Variants in AIM2 observed in about 807,000 individuals in gnomAD.
The protein encoded by AIM2 is absent in melanoma 2, also known as interferon-inducible protein AIM2.
In AIM2, 30 loss-of-function variants were observed where a neutral mutation model predicts 27.7. The observed-to-expected ratio is 1.08, with a 90% confidence interval of 0.81 to 1.47. The LOEUF (loss-of-function observed/expected upper bound fraction) is 1.47, where lower values mean the gene tolerates loss of function less well. Ranked by LOEUF, AIM2 falls within the 40% of genes most tolerant of loss-of-function variation. The probability of loss-of-function intolerance (pLI) is 0.00; values close to 1 mark genes in which losing one functional copy is unlikely to be tolerated. For missense variants in AIM2, 358 were observed against 411.3 expected (o/e 0.87, Z 1.12); for synonymous variants, 141 against 145.3 (o/e 0.97, Z 0.21).
intron 1 of AIM2, among the ~76,000 whole-genome samples, chr1:159,083,924 C>G (rs1227878012): frequency 1.3e-5 from 2 of 152,176 alleles, no homozygotes; most frequent in Non-Finnish European, 2.9e-5. Flanking sequence ...CTATATATAA[C>G]CAATTATTGA....
intron 3 of AIM2, 133 bp downstream of exon 3, chr1:159,068,435 A>G (rs1656205500): frequency 1.6e-6 from 2 of 1,230,792 alleles, no homozygotes; most frequent in South Asian, 3.5e-5. Context: ...TGTGACTCAG[A>G]ATGCTTTTCA....
At chr1:159,123,188 A>G (rs1477125311) in intron 1 of AIM2, among the ~76,000 whole-genome samples, 1 of 152,164 alleles carries the variant, frequency 6.6e-6, no homozygotes, top group Non-Finnish European at 1.5e-5. Context: ...AAGCCCTTTA[A>G]TATTTACATA....
Position 159,104,540 on chromosome 1 carries a change from T to A in AIM2, c.-16+35891A>T, listed in dbSNP as rs1430764721. Among the ~76,000 whole-genome samples the A allele has an allele frequency of 2.6e-5, 4 of 152,344 alleles. No individual in the cohort carries two copies. The Middle Eastern group carries it at 0.014, about 518-fold the overall frequency. ...TTAAAATTTATCATTCAAATTGAGA[T>A]GTGCTGTAAGATTAAAATACACATC... On this transcript the variant is annotated intron_variant, in intron 1 of 2. Coordinates refer to the AIM2 transcript ENST00000368129.
At chr1:159,142,106 C>T (rs1205682098), upstream of AIM2, among the ~76,000 whole-genome samples, 2 of 152,190 alleles carry the variant, frequency 1.3e-5, no homozygotes, top group Non-Finnish European at 2.9e-5. Flanking sequence ...CAGCTATTCT[C>T]AGACAGGGGC....
At chr1:159,064,575 C>T (rs1270692427) in intron 4 of AIM2, among the ~76,000 whole-genome samples, 1 of 152,260 alleles carries the variant, frequency 6.6e-6, no homozygotes, top group Non-Finnish European at 1.5e-5. Flanking sequence ...AAGCGATTCT[C>T]TTGCCTCAGC....
chr1:159,091,964 C>T (rs1657056570), intron 1 of AIM2, among the ~76,000 whole-genome samples: 1 of 152,168 alleles, frequency 6.6e-6, no homozygotes, highest in Admixed American at 6.5e-5. Context: ...AGGGTGATTG[C>T]CCAAGGGCAC....
downstream of AIM2, among the ~76,000 whole-genome samples, chr1:159,057,919 A>G (rs1410766762): frequency 6.6e-6 from 1 of 152,246 alleles, no homozygotes; most frequent in African/African-American, 2.4e-5. Flanking sequence ...CTTTGATGGA[A>G]CTGTTTCACA....
chr1:159,102,954 A>AT (rs1281889320), intron 1 of AIM2, among the ~76,000 whole-genome samples: 1 of 152,134 alleles, frequency 6.6e-6, no homozygotes, highest in Non-Finnish European at 1.5e-5. Flanking sequence ...GCATGATTGT[A>AT]TTTTCAAACA....
chr1:159,094,077 T>TGTTC (rs1657115147), intron 1 of AIM2, among the ~76,000 whole-genome samples: 1 of 152,144 alleles, frequency 6.6e-6, no homozygotes, highest in Non-Finnish European at 1.5e-5. Flanking sequence ...CTTAATATAT[T>TGTTC]GTTCATTGTT....
In AIM2 at chr1:159,063,589, G is replaced by C; in HGVS notation, c.902C>G (p.Thr301Arg). Residue 301 changes from threonine (T) to arginine (R), a missense_variant, in exon 5 of 6, where the codon ACA becomes AGA. Transcript: ENST00000368130. ...MEVLGVRNEDTMKCKEGDKVR... is the reference protein window; with the variant it reads ...MEVLGVRNEDRMKCKEGDKVR... ...CTTATCTCCTTCCTTACATTTCATTGTGTCCTCGTTTCTAACCCCCAGTAC... is the reference window on the plus strand; with the variant it reads ...CTTATCTCCTTCCTTACATTTCATTCTGTCCTCGTTTCTAACCCCCAGTAC... 1 of 1,614,008 alleles carries C rather than the reference G, an allele frequency of 6.2e-7. No homozygotes were observed.
chr1:159,070,242 T>G lies in AIM2; in HGVS notation c.263-1541A>C, dbSNP rs75278718. On this transcript the variant is annotated intron_variant, in intron 2 of 5. Coordinates refer to ENST00000368130, the MANE Select transcript of AIM2 (RefSeq NM_004833.3). The stretch of plus-strand genomic sequence containing the variant: ...TCTACTTTCCCTTTAGAGTATAAAC[T>G]GTACAAAATTTGGATTTGTTTTTAA... Among the ~76,000 whole-genome samples the G allele has an allele frequency of 8.3e-3, 1,261 of 152,348 alleles. 13 individuals carry two copies. Among genetic ancestry groups the G allele is most frequent in the African/African-American group, 0.029 (1,188 of 41,580 alleles).
intron 1 of AIM2, among the ~76,000 whole-genome samples, chr1:159,112,763 C>G (rs1657603432): frequency 6.6e-6 from 1 of 151,778 alleles, no homozygotes; most frequent in South Asian, 2.1e-4. Flanking sequence ...ACCTAATGGA[C>G]TAAAGGAAAT....
chr1:159,115,890 C>G (rs1227193069), intron 1 of AIM2, among the ~76,000 whole-genome samples: 3 of 151,956 alleles, frequency 2.0e-5, no homozygotes, highest in South Asian at 2.1e-4. Context: ...TCAGAGTGAA[C>G]AGGCAACCTA....
upstream of AIM2, among the ~76,000 whole-genome samples, chr1:159,140,960 C>G (rs1173592055): frequency 6.6e-6 from 1 of 152,166 alleles, no homozygotes; most frequent in African/African-American, 2.4e-5. Flanking sequence ...TTTCTGGGGA[C>G]AAGCTCATCC....
chr1:159,066,454 T>C, intron 3 of AIM2, 125 bp from the exon 4 acceptor site: 1 of 968,302 alleles, frequency 1.0e-6, no homozygotes. Flanking sequence ...AGGGAAGAGA[T>C]ACAGAGGGGA....
At chr1:159,144,419 T>TCTTGATAGTG (rs1400798748), upstream of AIM2, among the ~76,000 whole-genome samples, 1 of 152,204 alleles carries the variant, frequency 6.6e-6, no homozygotes, top group Non-Finnish European at 1.5e-5. Context: ...AGACAAAGCC[T>TCTTGATAGTG]CTTGATAGTG....
At chr1:159,096,902 G>A (rs991262113) in intron 1 of AIM2, among the ~76,000 whole-genome samples, 1 of 152,068 alleles carries the variant, frequency 6.6e-6, no homozygotes, top group Non-Finnish European at 1.5e-5. Context: ...CAAACAAAAA[G>A]TATTCCCTTC....
chr1:159,082,444 C>T (rs1656800106), intron 1 of AIM2, among the ~76,000 whole-genome samples: 1 of 152,160 alleles, frequency 6.6e-6, no homozygotes, highest in Non-Finnish European at 1.5e-5. Context: ...TATTCAGTAC[C>T]TGGTGAAGAC....
intron 1 of AIM2, among the ~76,000 whole-genome samples, chr1:159,134,533 T>C (rs2102053217): frequency 6.6e-6 from 1 of 152,348 alleles, no homozygotes; most frequent in Admixed American, 6.5e-5. Flanking sequence ...CCAAACTCGC[T>C]TTACAGTCCT....
Sources: gnomAD v4.1 joint callset for allele counts (sites outside exome capture counted in the v4.1 genomes callset) on GRCh38, gnomAD v4.1.1 for gene constraint, MANE v1.5 for transcripts, NCBI Gene and HGNC (gene_info 2026-07-23, HGNC 2026-07-21) for gene names.